Variants in SYNE2 observed in about 807,000 individuals in gnomAD.
The protein encoded by SYNE2 is spectrin repeat containing nuclear envelope protein 2, also known as nesprin-2.
SYNE2 carries 431 observed loss-of-function variants against 856.3 expected under a neutral mutation model. That is an observed-to-expected ratio of 0.50 (90% CI 0.47 to 0.55). SYNE2 has a LOEUF of 0.55. Among genes scored for constraint, SYNE2 ranks in the 20% least tolerant of loss-of-function variants. The pLI is 0.00. For missense variants in SYNE2, 8,129 were observed against 8,023.2 expected (o/e 1.01, Z -0.50); for synonymous variants, 2,923 against 2,872.3 (o/e 1.02, Z -0.56).
chr14:63,892,717 T>G (rs923166686), intron 1 of SYNE2, among the ~76,000 whole-genome samples: 9 of 140,062 alleles, frequency 6.4e-5, no homozygotes, highest in African/African-American at 1.1e-4. Flanking sequence ...AAATAAATCC[T>G]TGGTGTACTT....
chr14:63,895,666 G>A (rs549796442), intron 1 of SYNE2, among the ~76,000 whole-genome samples: 7 of 150,370 alleles, frequency 4.7e-5, no homozygotes, highest in African/African-American at 1.5e-4. Context: ...TACTCAAGAG[G>A]CTGAGGTGGG....
intron 1 of SYNE2, among the ~76,000 whole-genome samples, chr14:63,879,332 T>G (rs898570123): frequency 6.6e-6 from 1 of 152,220 alleles, no homozygotes; most frequent in Non-Finnish European, 1.5e-5. Context: ...AATTAACCTC[T>G]GTGTATTCTT....
intron 73 of SYNE2, among the ~76,000 whole-genome samples, chr14:64,127,419 G>C (rs2097958448): frequency 6.6e-6 from 1 of 151,866 alleles, no homozygotes; most frequent in African/African-American, 2.4e-5. Context: ...AAAGAAAAAA[G>C]TAAAAAAATA....
chr14:64,000,975 G>A (rs908849992), intron 28 of SYNE2, among the ~76,000 whole-genome samples: 2 of 152,150 alleles, frequency 1.3e-5, no homozygotes, highest in Non-Finnish European at 2.9e-5. Context: ...AAAGTTCAGA[G>A]GCCACACAGT....
intron 32 of SYNE2, among the ~76,000 whole-genome samples, chr14:64,010,831 G>T (rs1346383815): frequency 1.3e-5 from 2 of 152,156 alleles, no homozygotes; most frequent in Non-Finnish European, 2.9e-5. Flanking sequence ...TAGAGACAGG[G>T]TTTCGCCGTG....
At chr14:64,165,779 G>T (rs2098373829) in intron 90 of SYNE2, among the ~76,000 whole-genome samples, 1 of 152,202 alleles carries the variant, frequency 6.6e-6, no homozygotes, top group Non-Finnish European at 1.5e-5. Context: ...CTCCCAAAGT[G>T]CTGGGATTAC....
At chr14:64,194,657 G>A (rs1168184886) in intron 99 of SYNE2, among the ~76,000 whole-genome samples, 1 of 152,234 alleles carries the variant, frequency 6.6e-6, no homozygotes, top group East Asian at 1.9e-4. Context: ...ATGCAAGACA[G>A]ACAACTAAAT....
intron 85 of SYNE2, among the ~76,000 whole-genome samples, chr14:64,152,937 A>C (rs2098255712): frequency 6.6e-6 from 1 of 152,242 alleles, no homozygotes; most frequent in African/African-American, 2.4e-5. Flanking sequence ...GACAGGCTGC[A>C]AATCCACTTG....
In SYNE2 at chr14:63,974,898, A is replaced by G. The variant is rs1305982722; in HGVS notation, c.1129-1665A>G. Among the ~76,000 whole-genome samples, 308 of 32,636 alleles carry G rather than the reference A, an allele frequency of 9.4e-3. 1 individual carries two copies. The highest frequency in any genetic ancestry group is 0.044 in the African/African-American group (281 of 6,330). The allele number at this position is 32,636 out of a possible 152,430, so 21.4% of individuals were successfully genotyped here. ...TGTGTGTGTGTGTGTGTGTGTATAT[A>G]TATATATATATATATATATGTATCT... is the stretch of plus-strand genomic sequence containing the variant. On this transcript the variant is annotated intron_variant, in intron 11 of 115. Transcript: ENST00000555002.
intron 94 of SYNE2, 147 bp downstream of exon 94, chr14:64,170,609 C>A: frequency 1.3e-6 from 1 of 796,666 alleles, no homozygotes; most frequent in South Asian, 1.5e-5. Context: ...AGTCACCACC[C>A]CCCACAGCCC....
chr14:64,199,297 A>G (rs555400341), intron 99 of SYNE2, among the ~76,000 whole-genome samples: 8 of 152,330 alleles, frequency 5.3e-5, no homozygotes, highest in Admixed American at 2.6e-4. Context: ...GCTTAAGAAC[A>G]GCAGCTCCAG....
chr14:64,165,185 C>G, intron 89 of SYNE2, 100 bp from the exon 90 acceptor site: 1 of 1,360,330 alleles, frequency 7.4e-7, no homozygotes, highest in Non-Finnish European at 1.0e-6. Context: ...CCGTGCCTAG[C>G]CAAAAACATC....
At chr14:63,983,919 C>G (rs779366135) in intron 18 of SYNE2, 33 bp downstream of exon 18, 1 of 1,397,114 alleles carries the variant, frequency 7.2e-7, no homozygotes, top group South Asian at 1.3e-5. Flanking sequence ...ATTTCACTTG[C>G]AAATAGAAAT....
chr14:64,128,618 T>C (rs1278218584), intron 74 of SYNE2, 65 bp downstream of exon 74: 2 of 992,372 alleles, frequency 2.0e-6, no homozygotes, highest in Admixed American at 1.7e-5. Flanking sequence ...ATATAAGCCG[T>C]GCTTCTGAAC....
chr14:64,054,369 C>G (rs1330537190), intron 48 of SYNE2, among the ~76,000 whole-genome samples: 1 of 152,150 alleles, frequency 6.6e-6, no homozygotes, highest in Admixed American at 6.5e-5. Flanking sequence ...GTTGGAGACA[C>G]TGTGCTAAAA....
chr14:63,998,180 T>C, intron 25 of SYNE2, 39 bp from the exon 26 acceptor site: 1 of 1,361,558 alleles, frequency 7.3e-7, no homozygotes, highest in Non-Finnish European at 1.1e-6. Flanking sequence ...AAAAAGTATG[T>C]TTAAGATATT....
chr14:64,035,701 T>C (rs2097082597), intron 45 of SYNE2, among the ~76,000 whole-genome samples: 1 of 152,048 alleles, frequency 6.6e-6, no homozygotes, highest in African/African-American at 2.4e-5. Flanking sequence ...TTATTTTTTA[T>C]GAATTTTAGA....
rs2098631229 is a variant in SYNE2, at chr14:64,209,943, C to T, written c.18542C>T (p.Ala6181Val). Residue 6181 changes from alanine (A) to valine (V), a missense_variant and splice_region_variant, in exon 103 of 116, where the codon GCC (alanine) becomes GTC (valine). Physicochemically the swap from Ala to Val is moderately conservative, Grantham distance 64. Transcript: ENST00000555002. ...SAKEELKRFE[A>V]FQRQIHERLT... is the part of the protein sequence containing the mutation. ...TCTGACCCCTCCCATGTGATGCAGG[C>T]CTTTCAGCGGCAGATTCATGAGCGG... 1.2e-6 allele frequency: 2 copies of T among 1,614,010 alleles called. No individual in the cohort carries two copies. Among genetic ancestry groups the T allele is most frequent in the Non-Finnish European group, 1.7e-6 (2 of 1,180,042 alleles).
intron 1 of SYNE2, among the ~76,000 whole-genome samples, chr14:63,836,131 C>T (rs950589359): frequency 6.6e-6 from 1 of 152,142 alleles, no homozygotes; most frequent in Admixed American, 6.6e-5. Context: ...AGGTGATCCT[C>T]CCACCTCAGA....
Sources: allele counts gnomAD v4.1 joint callset (sites outside exome capture counted in the v4.1 genomes callset), GRCh38; gene constraint gnomAD v4.1.1; transcripts MANE v1.5; gene names NCBI Gene and HGNC (gene_info 2026-07-23, HGNC 2026-07-21).